Variants in AP4S1 observed in about 807,000 individuals in gnomAD.
The protein encoded by AP4S1 is AP-4 complex subunit sigma-1.
In AP4S1, 23 loss-of-function variants were observed where a neutral mutation model predicts 19.8. The observed-to-expected ratio is 1.16, with a 90% CI of 0.84 to 1.65. AP4S1 has a LOEUF of 1.65. AP4S1 is among the 40% of genes most tolerant of loss of function. The probability of loss-of-function intolerance (pLI) is 0.00; values close to 1 mark genes in which losing one functional copy is unlikely to be tolerated. For synonymous variants in AP4S1, 46 were observed against 54.1 expected (o/e 0.85, Z 0.66); for missense variants, 166 against 172.8 (o/e 0.96, Z 0.22).
At chr14:31,070,040 T>A in intron 3 of AP4S1, 111 bp downstream of exon 3, 1 of 892,476 alleles carries the variant, frequency 1.1e-6, no homozygotes, top group Non-Finnish European at 1.8e-6. Context: ...CTGTCACCAG[T>A]CTGGAGTGCC....
rs1404938447 is a variant in AP4S1 at position 31,095,803 on chromosome 14, G to T, written c.*2768G>T. On this transcript the variant is annotated 3_prime_UTR_variant, in exon 6 of 6. Transcript: ENST00000542754. ...GTTCAAAGTTTAAAAGTAGAATGCA[G>T]CCAGGCATGGTGGCTTACGCCTATA... 6.6e-6 allele frequency: 1 copy of T among 152,222 alleles called. No homozygotes were observed. The highest frequency in any genetic ancestry group is 1.5e-5 in the Non-Finnish European group (1 of 68,036). The allele number at this position is 152,222 out of a possible 1,614,324, so 9.4% of individuals were successfully genotyped here. A position where few individuals can be genotyped will look rare whatever the true frequency, so the allele number is the denominator to read the frequency against.
At chr14:31,062,961 T>C (rs764321078) in intron 1 of AP4S1, among the ~76,000 whole-genome samples, 1 of 148,548 alleles carries the variant, frequency 6.7e-6, no homozygotes, top group Admixed American at 6.7e-5. Context: ...AGCACGAGAC[T>C]CCGTTTCCAA....
intron 4 of AP4S1, among the ~76,000 whole-genome samples, chr14:31,080,307 G>C (rs949862645): frequency 2.6e-5 from 4 of 152,176 alleles, no homozygotes; most frequent in Admixed American, 6.5e-5. Flanking sequence ...ATCTGTAAAG[G>C]CTGAGTTAGT....
intron 1 of AP4S1, among the ~76,000 whole-genome samples, chr14:31,043,612 G>A (rs563015930): frequency 4.6e-4 from 70 of 152,244 alleles, no homozygotes; most frequent in Middle Eastern, 6.8e-3. Flanking sequence ...ACAATAACTC[G>A]GCAACAGAGT....
intron 1 of AP4S1, among the ~76,000 whole-genome samples, chr14:31,057,727 G>A (rs1886198641): frequency 6.6e-6 from 1 of 152,014 alleles, no homozygotes; most frequent in African/African-American, 2.4e-5. Flanking sequence ...CTGGGTTCAA[G>A]TGATTCTCCT....
At chr14:31,040,791 AT>A (rs1242036871) in intron 1 of AP4S1, among the ~76,000 whole-genome samples, 2 of 152,134 alleles carry the variant, frequency 1.3e-5, no homozygotes, top group Non-Finnish European at 1.5e-5. Context: ...AGCTTTATAA[AT>A]TTTTCAGATA....
At chr14:31,033,274 C>G (rs528920062) in intron 1 of AP4S1, among the ~76,000 whole-genome samples, 4 of 151,714 alleles carry the variant, frequency 2.6e-5, no homozygotes, top group Admixed American at 6.6e-5. Flanking sequence ...AGTGCAGTGG[C>G]GTGATCTCGG....
At chr14:31,054,484 C>A (rs1395170773) in intron 1 of AP4S1, among the ~76,000 whole-genome samples, 1 of 151,920 alleles carries the variant, frequency 6.6e-6, no homozygotes, top group East Asian at 1.9e-4. Flanking sequence ...GAGTTTGGGG[C>A]CAGCCTGGCC....
At chr14:31,070,499 T>G (rs1322655919) in intron 3 of AP4S1, among the ~76,000 whole-genome samples, 1 of 150,572 alleles carries the variant, frequency 6.6e-6, no homozygotes, top group Non-Finnish European at 1.5e-5. Context: ...CTTCCTGGCT[T>G]AGCCTCCCAA....
chr14:31,045,884 G>T (rs1885369741), intron 1 of AP4S1, among the ~76,000 whole-genome samples: 1 of 151,602 alleles, frequency 6.6e-6, no homozygotes, highest in Admixed American at 6.6e-5. Flanking sequence ...GTCTAGGAAA[G>T]ACCAAGTGAT....
intron 5 of AP4S1, among the ~76,000 whole-genome samples, chr14:31,082,107 T>G (rs1016356677): frequency 6.6e-6 from 1 of 152,202 alleles, no homozygotes. Context: ...TGATAGGAAA[T>G]GTCACTGTGT....
At chr14:31,030,361 A>G (rs566159773) in intron 1 of AP4S1, among the ~76,000 whole-genome samples, 9 of 152,070 alleles carry the variant, frequency 5.9e-5, no homozygotes, top group African/African-American at 1.7e-4. Flanking sequence ...TGAGTACTCA[A>G]TTTTTGCTTT....
intron 5 of AP4S1, 47 bp from the exon 6 acceptor site, chr14:31,092,860 T>TA: frequency 2.1e-6 from 3 of 1,400,224 alleles, no homozygotes; most frequent in African/African-American, 1.5e-5. Context: ...TTTTACTGAA[T>TA]GTTAATAATT....
At chr14:31,044,004 CAGT>C (rs1485492292) in intron 1 of AP4S1, among the ~76,000 whole-genome samples, 1 of 152,094 alleles carries the variant, frequency 6.6e-6, no homozygotes, top group East Asian at 1.9e-4. Context: ...ATAAATGAAA[CAGT>C]AGCTTAATTG....
chr14:31,072,980 C>A lies in AP4S1; in HGVS notation c.294+7C>A. 1 of 1,612,288 alleles carries A rather than the reference C, an allele frequency of 6.2e-7. No individual in the cohort carries two copies. The highest frequency in any genetic ancestry group is 1.1e-5 in the South Asian group (1 of 91,042). On this transcript the variant is annotated splice_region_variant and intron_variant, in intron 4 of 5. Transcript: ENST00000542754. ...TGAGTATTTCAGCCGAGTGGTAAGT[C>A]TAATGGCTAAAAAATGGTTTACTTC... is the stretch of plus-strand genomic sequence containing the variant.
chr14:31,054,403 G>A (rs1885982114), intron 1 of AP4S1, among the ~76,000 whole-genome samples: 1 of 152,008 alleles, frequency 6.6e-6, no homozygotes, highest in African/African-American at 2.4e-5. Flanking sequence ...CAGGGCATGG[G>A]CTGGGCCCAG....
intron 1 of AP4S1, among the ~76,000 whole-genome samples, chr14:31,057,766 C>T (rs1449949813): frequency 6.6e-6 from 1 of 152,026 alleles, no homozygotes; most frequent in African/African-American, 2.4e-5. Flanking sequence ...GCTATGATTA[C>T]AGGCACCCGA....
At chr14:31,084,554 G>A (rs974198865) in intron 5 of AP4S1, among the ~76,000 whole-genome samples, 6 of 152,144 alleles carry the variant, frequency 3.9e-5, no homozygotes, top group African/African-American at 1.4e-4. Context: ...AGGTGGGGCG[G>A]GCTGCCCCCT....
chr14:31,070,706 T>C (rs923687754), intron 3 of AP4S1, among the ~76,000 whole-genome samples: 3 of 152,346 alleles, frequency 2.0e-5, no homozygotes, highest in Non-Finnish European at 4.4e-5. Context: ...CCTTGTTCTC[T>C]TGAACAATGA....
Sources: gnomAD v4.1 joint callset for allele counts (sites outside exome capture counted in the v4.1 genomes callset) on GRCh38, gnomAD v4.1.1 for gene constraint, MANE v1.5 for transcripts, NCBI Gene and HGNC (gene_info 2026-07-23, HGNC 2026-07-21) for gene names.